The following CEP68 variants were observed in gnomAD, a reference collection of about 807,000 sequenced individuals.
CEP68 encodes centrosomal protein of 68 kDa.
Under a neutral mutation model 55.3 loss-of-function variants are expected in CEP68, and 26 were observed. The ratio of observed to expected loss-of-function variants is 0.47; its 90% confidence interval spans 0.34 to 0.65. The LOEUF is 0.65. Among genes scored for constraint, CEP68 ranks in the 30% least tolerant of loss-of-function variants. The pLI is 0.01. For missense variants in CEP68, 957 were observed against 946.7 expected, an observed-to-expected ratio of 1.01 and a Z score of -0.14; for synonymous variants, 402 against 383.2, an observed-to-expected ratio of 1.05 and a Z score of -0.57.
chr2:65,073,059 C>T, intron 3 of CEP68, 79 bp downstream of exon 3: 4 of 1,493,718 alleles, frequency 2.7e-6, no homozygotes, highest in South Asian at 2.3e-5. Context: ...CATAATAAAA[C>T]ATGTTCATGT....
chr2:65,056,877 G>T (rs1044627803), intron 1 of CEP68, among the ~76,000 whole-genome samples: 8 of 152,188 alleles, frequency 5.3e-5, no homozygotes, highest in Non-Finnish European at 1.2e-4. Flanking sequence ...CAGCTGCGCC[G>T]CTGGTCGGCC....
In CEP68 at chr2:65,064,356, T is replaced by A. The variant is rs77756584; in HGVS notation, c.-46-5043T>A. ...TTTGCACCCCTCCCTTGCCCCATCA[T>A]CATCTTATTCCAGCACCTTGTCTCA... is the stretch of plus-strand genomic sequence containing the variant. On this transcript the variant is annotated intron_variant, in intron 1 of 6. Coordinates refer to ENST00000377990, the MANE Select transcript of CEP68 (RefSeq NM_015147.3). Among the ~76,000 whole-genome samples the A allele has an allele frequency of 5.6e-3, 855 of 152,338 alleles. 10 individuals carry two copies. The highest frequency in any genetic ancestry group is 0.019 in the African/African-American group (803 of 41,576).
chr2:65,066,395 GA>G (rs1484678687), intron 1 of CEP68, among the ~76,000 whole-genome samples: 1 of 151,916 alleles, frequency 6.6e-6, no homozygotes, highest in Non-Finnish European at 1.5e-5. Context: ...AGAAGTTCAA[GA>G]CCAGCCTGGC....
rs1317766627 is a variant in CEP68 at position 65,084,847 on chromosome 2, C to CT, written c.*1216dup. On this transcript the variant is annotated 3_prime_UTR_variant, in exon 7 of 7. Transcript: ENST00000377990. ...AAGTGCCTGATGCTGCTGTGGTATG[C>CT]TTTATCATAATGCTTAAGGGCATGA... 1.3e-5 allele frequency: 2 copies of CT among 152,102 alleles called. No individual in the cohort carries two copies. Among genetic ancestry groups the CT allele is most frequent in the Non-Finnish European group, 2.9e-5 (2 of 68,002 alleles). The allele number at this position is 152,102 out of a possible 1,614,324, so 9.4% of individuals were successfully genotyped here.
chr2:65,071,112 T>C (rs1676439273), intron 2 of CEP68: 2 of 297,078 alleles, frequency 6.7e-6, no homozygotes, highest in Non-Finnish European at 1.3e-5. Context: ...GAGGGTTTCA[T>C]CTGCCAGGAG....
rs1183610067 is a variant in CEP68, at chr2:65,074,336, G to A, written c.1939G>A (p.Val647Ile). The change falls in exon 4 of 7, where the codon GTT becomes ATT. Residue 647 changes from valine to isoleucine, a missense_variant. Coordinates refer to ENST00000377990, the MANE Select transcript of CEP68 (RefSeq NM_015147.3). ...LICWLYNVADVTDHGTAARSN... is the reference protein window; with the variant it reads ...LICWLYNVADITDHGTAARSN... ...CTGCTGGCTGTATAATGTTGCAGAT[G>A]TTACTGACCACGGGACTGCAGCCAG... The A allele has an allele frequency of 5.0e-6, 8 of 1,614,248 alleles. No individual in the cohort carries two copies. The highest frequency in any genetic ancestry group is 5.9e-6 in the Non-Finnish European group (7 of 1,180,042).
rs2103778180 is a variant in CEP68 at position 65,072,642 on chromosome 2, C to G, written c.1546C>G (p.Gln516Glu). 2 of 1,614,168 alleles carry G rather than the reference C, an allele frequency of 1.2e-6. No individual in the cohort carries two copies. The highest frequency in any genetic ancestry group is 4.5e-5 in the East Asian group (2 of 44,886). ...VTLPTGDIKG[Q>E]SPLEVSDSDG... ...CCTGCCCACTGGGGATATCAAAGGG[C>G]AGAGCCCCTTGGAAGTGTCAGACAG... Residue 516 changes from glutamine (Q) to glutamate (E), a missense_variant, in exon 3 of 7, where the codon CAG becomes GAG. Coordinates refer to ENST00000377990, the MANE Select transcript of CEP68 (RefSeq NM_015147.3).
chr2:65,059,118 T>G (rs1010162711), intron 1 of CEP68, among the ~76,000 whole-genome samples: 1 of 152,184 alleles, frequency 6.6e-6, no homozygotes, highest in African/African-American at 2.4e-5. Context: ...ACTCTCCTTA[T>G]AACTTAAATC....
chr2:65,074,174 T>C (rs982334634), intron 3 of CEP68, 108 bp from the exon 4 acceptor site: 12 of 1,338,688 alleles, frequency 9.0e-6, no homozygotes, highest in Middle Eastern at 4.9e-4. Context: ...GAGAGGAAAC[T>C]GAAGGTGCAC....
chr2:65,060,485 T>A (rs2103743146), intron 1 of CEP68, among the ~76,000 whole-genome samples: 1 of 152,184 alleles, frequency 6.6e-6, no homozygotes, highest in African/African-American at 2.4e-5. Flanking sequence ...ATCCCAGCAT[T>A]TTGGGAGGCC....
rs554862854 is a variant in CEP68 at position 65,074,951 on chromosome 2, A to AT, written c.2007+549dup. 105 of 196,570 alleles carry AT rather than the reference A, an allele frequency of 5.3e-4. No homozygotes were observed. In the South Asian group the frequency reaches 9.0e-3, roughly 17 times the overall value. 12.2% of individuals were successfully genotyped at this position (196,570 alleles called of 1,614,324 possible). A position where few individuals can be genotyped will look rare whatever the true frequency, so the allele number is the denominator to read the frequency against. On this transcript the variant is annotated intron_variant, in intron 4 of 6. Coordinates refer to ENST00000377990, the MANE Select transcript of CEP68 (RefSeq NM_015147.3). ...AGATTTTTTTATTTGCACTAGCCAC[A>AT]TTCTGCATGTTCAACCATCACATTT...
Position 65,071,548 on chromosome 2 carries a change from C to T in CEP68, c.452C>T (p.Thr151Ile), listed in dbSNP as rs749635484. Residue 151 changes from threonine to isoleucine, a missense_variant, in exon 3 of 7, where the codon ACC becomes ATC. Physicochemically the swap from Thr to Ile is moderately conservative, Grantham distance 89. Coordinates refer to ENST00000377990, the MANE Select transcript of CEP68 (RefSeq NM_015147.3). Reference sequence around the variant, plus strand: ...ATTTGCTCAGGACATGATGCTGATACCGAAGATGATCCATCCCTAGCAGAT... The same window carrying T: ...ATTTGCTCAGGACATGATGCTGATATCGAAGATGATCCATCCCTAGCAGAT... ...TTICSGHDAD[T>I]EDDPSLADLP... 4.3e-6 allele frequency: 7 copies of T among 1,614,082 alleles called. No homozygotes were observed. Among genetic ancestry groups the T allele is most frequent in the South Asian group, 1.1e-5 (1 of 91,086 alleles).
chr2:65,080,692 C>A (rs187449078), intron 5 of CEP68: 4 of 281,492 alleles, frequency 1.4e-5, no homozygotes, highest in African/African-American at 9.2e-5. Flanking sequence ...GTGGCGGGCG[C>A]CTGTAATCCC....
chr2:65,074,817 G>A (rs1285410823), intron 4 of CEP68: 1 of 257,422 alleles, frequency 3.9e-6, no homozygotes, highest in Non-Finnish European at 7.6e-6. Flanking sequence ...AAATACTTTA[G>A]GGTGATTTGC....
Position 65,084,152 on chromosome 2 carries a change from TTGTC to T in CEP68, c.*521_*524del, listed in dbSNP as rs1668953517. 6.6e-6 allele frequency: 1 copy of T among 152,200 alleles called. No homozygotes were observed. Among genetic ancestry groups the T allele is most frequent in the Non-Finnish European group, 1.5e-5 (1 of 68,032 alleles). The allele number at this position is 152,200 out of a possible 1,614,324, so 9.4% of individuals were successfully genotyped here. On this transcript the variant is annotated 3_prime_UTR_variant, in exon 7 of 7. Transcript: ENST00000377990. Reference sequence around the variant, plus strand: ...GTAGAAAGAAGAGATTTTTAACCCTTTGTCTGCAAAAGAAAAAGGGTTAAATGAA... The same window carrying T: ...GTAGAAAGAAGAGATTTTTAACCCTTTGCAAAAGAAAAAGGGTTAAATGAA...
At position 65,086,072 on chromosome 2, in the gene CEP68, ACGT is replaced by A. The variant is rs984321456; in HGVS notation, c.*2440_*2442del. The A allele has an allele frequency of 2.6e-4, 18 of 69,630 alleles. No homozygotes were observed. Among genetic ancestry groups the A allele is most frequent in the Admixed American group, 7.0e-4 (4 of 5,742 alleles). The allele number at this position is 69,630 out of a possible 1,614,324, so 4.3% of individuals were successfully genotyped here. On this transcript the variant is annotated 3_prime_UTR_variant, in exon 7 of 7. Coordinates refer to ENST00000377990, the MANE Select transcript of CEP68 (RefSeq NM_015147.3). Reference sequence around the variant, plus strand: ...AGGTAAGCTCAGCAAATGGAAGACGACGTCAACACGGCTATTTTGAAGCTTAGG... The same window carrying A: ...AGGTAAGCTCAGCAAATGGAAGACGACAACACGGCTATTTTGAAGCTTAGG...
chr2:65,075,639 A>G (rs150026588), intron 4 of CEP68, among the ~76,000 whole-genome samples: 30 of 152,286 alleles, frequency 2.0e-4, no homozygotes, highest in Non-Finnish European at 3.1e-4. Flanking sequence ...GATAAATTAT[A>G]TAGTTGTCAT....
In CEP68 at chr2:65,084,508, A is replaced by AT. The variant is rs1668971162; in HGVS notation, c.*875dup. The stretch of plus-strand genomic sequence containing the variant: ...TTCTTCGTTGCTTTGGCATTGACAC[A>AT]TAAGTACTTTGATTAAAAAAAAAAA... On this transcript the variant is annotated 3_prime_UTR_variant, in exon 7 of 7. Transcript: ENST00000377990. 2 of 130,702 alleles carry AT rather than the reference A, an allele frequency of 1.5e-5. No homozygotes were observed. Among genetic ancestry groups the AT allele is most frequent in the African/African-American group, 5.6e-5 (2 of 35,692 alleles). The allele number at this position is 130,702 out of a possible 1,614,324, so 8.1% of individuals were successfully genotyped here.
chr2:65,066,745 A>AAAAT (rs70943620), intron 1 of CEP68, among the ~76,000 whole-genome samples: 65 of 58,392 alleles, frequency 1.1e-3, no homozygotes, highest in African/African-American at 4.9e-3. Flanking sequence ...AAAAAAAAAA[A>AAAAT]ATATATATAT....
Sources: gnomAD v4.1 joint callset for allele counts (sites outside exome capture counted in the v4.1 genomes callset) on GRCh38, gnomAD v4.1.1 for gene constraint, MANE v1.5 for transcripts, NCBI Gene and HGNC (gene_info 2026-07-23, HGNC 2026-07-21) for gene names.